Variants in GFRA2 observed in about 807,000 individuals in gnomAD.
GFRA2 encodes the protein GDNF family receptor alpha 2.
In GFRA2, 17 loss-of-function variants were observed where a neutral mutation model predicts 48.3. The observed-to-expected ratio is 0.35, with a 90% confidence interval of 0.24 to 0.53. GFRA2 has a LOEUF of 0.53. Among genes scored for constraint, GFRA2 ranks in the 20% least tolerant of loss-of-function variants. GFRA2 has a pLI of 0.93. For missense variants in GFRA2, 660 were observed against 637.3 expected, an observed-to-expected ratio of 1.04 and a Z score of -0.38; for synonymous variants, 305 against 257.2, an observed-to-expected ratio of 1.19 and a Z score of -1.78.
chr8:21,783,018 C>A (rs1807089716), intron 1 of GFRA2, 119 bp from the exon 2 acceptor site: 1 of 932,312 alleles, frequency 1.1e-6, no homozygotes, highest in Non-Finnish European at 1.7e-6. Flanking sequence ...CCAAAGCACA[C>A]CAAGGCGACT....
intron 1 of GFRA2, among the ~76,000 whole-genome samples, chr8:21,805,814 T>C (rs948589870): frequency 6.6e-6 from 1 of 152,164 alleles, no homozygotes; most frequent in African/African-American, 2.4e-5. Flanking sequence ...ATTAGGCGCC[T>C]AATGAATTAC....
rs2117297233 is a variant in GFRA2, at chr8:21,691,653, C to T, written c.*1625G>A. On this transcript the variant is annotated 3_prime_UTR_variant, in exon 9 of 9. Transcript: ENST00000524240. ...CCAGACAGCCTGACAATAAAACATTCCCAACGTGTGATGCCAAGCTGTGGC... is the reference window on the plus strand; with the variant it reads ...CCAGACAGCCTGACAATAAAACATTTCCAACGTGTGATGCCAAGCTGTGGC... The T allele has an allele frequency of 6.6e-6, 1 of 152,388 alleles. No homozygotes were observed. Among genetic ancestry groups the T allele is most frequent in the South Asian group, 2.1e-4 (1 of 4,822 alleles). 9.4% of individuals were successfully genotyped at this position (152,388 alleles called of 1,614,324 possible). A position where few individuals can be genotyped will look rare whatever the true frequency, so the allele number is the denominator to read the frequency against.
At chr8:21,747,799 C>T (rs892845593) in intron 4 of GFRA2, among the ~76,000 whole-genome samples, 2 of 150,248 alleles carry the variant, frequency 1.3e-5, no homozygotes, top group Non-Finnish European at 3.0e-5. Context: ...CACACACACA[C>T]ACGCATGCAC....
intron 3 of GFRA2, among the ~76,000 whole-genome samples, chr8:21,760,347 A>G (rs574763571): frequency 1.3e-5 from 2 of 152,286 alleles, no homozygotes; most frequent in East Asian, 3.9e-4. Flanking sequence ...GCAGAAAGCT[A>G]GTGGAGGCTG....
At position 21,691,131 on chromosome 8, in the gene GFRA2, A is replaced by C. The variant is rs1483764499; in HGVS notation, c.*2147T>G. On this transcript the variant is annotated 3_prime_UTR_variant, in exon 9 of 9. Coordinates refer to ENST00000524240, the MANE Select transcript of GFRA2 (RefSeq NM_001495.5). Reference sequence around the variant, plus strand: ...TTGGGAGATGGGAAAACTGCATCCTATTGTCCAGTTGAAATGGGATGGGCT... The same window carrying C: ...TTGGGAGATGGGAAAACTGCATCCTCTTGTCCAGTTGAAATGGGATGGGCT... 1 of 152,206 alleles carries C rather than the reference A, an allele frequency of 6.6e-6. No homozygotes were observed. The highest frequency in any genetic ancestry group is 1.5e-5 in the Non-Finnish European group (1 of 68,042). The allele number at this position is 152,206 out of a possible 1,614,324, so 9.4% of individuals were successfully genotyped here. A position where few individuals can be genotyped will look rare whatever the true frequency, so the allele number is the denominator to read the frequency against.
Position 21,730,082 on chromosome 8 carries a change from G to C in GFRA2, c.794+20506C>G, listed in dbSNP as rs559788288. On this transcript the variant is annotated intron_variant, in intron 4 of 8. Coordinates refer to ENST00000524240, the MANE Select transcript of GFRA2 (RefSeq NM_001495.5). ...CATAAAGGTGTTTCCTGGGTTCTCA[G>C]TGTTACGGCACGAGAAGGGACCTTA... 4.3e-4 allele frequency among the ~76,000 whole-genome samples: 65 copies of C among 152,250 alleles called. 1 individual carries two copies. Among genetic ancestry groups the C allele is most frequent in the African/African-American group, 1.5e-3 (63 of 41,552 alleles).
At chr8:21,786,135 C>A (rs1807257673) in intron 1 of GFRA2, among the ~76,000 whole-genome samples, 1 of 152,228 alleles carries the variant, frequency 6.6e-6, no homozygotes, top group South Asian at 2.1e-4. Flanking sequence ...CTCACCCCCG[C>A]CTCTCAACAC....
chr8:21,724,230 G>A (rs550495030), intron 4 of GFRA2, among the ~76,000 whole-genome samples: 1 of 151,984 alleles, frequency 6.6e-6, no homozygotes, highest in African/African-American at 2.4e-5. Context: ...GGTCTTGTGT[G>A]GGGGGCCTGG....
intron 1 of GFRA2, among the ~76,000 whole-genome samples, chr8:21,811,533 T>G (rs959495412): frequency 7.2e-5 from 11 of 152,100 alleles, no homozygotes; most frequent in Admixed American, 1.3e-4. Context: ...TCCCGGGTCC[T>G]CCATCCACCT....
chr8:21,756,881 G>A (rs1449788029), intron 3 of GFRA2, among the ~76,000 whole-genome samples: 1 of 152,194 alleles, frequency 6.6e-6, no homozygotes, highest in East Asian at 1.9e-4. Flanking sequence ...GCCCTGGAGA[G>A]CCTGAACTCA....
At chr8:21,736,814 C>CACAT (rs1804487017) in intron 4 of GFRA2, among the ~76,000 whole-genome samples, 1 of 151,034 alleles carries the variant, frequency 6.6e-6, no homozygotes, top group Non-Finnish European at 1.5e-5. Flanking sequence ...TTATAATGAG[C>CACAT]ACATAGGGCT....
chr8:21,754,108 C>T lies in GFRA2; in HGVS notation c.440-3166G>A, dbSNP rs112217023. On this transcript the variant is annotated intron_variant, in intron 3 of 8. Transcript: ENST00000524240. ...AACACCCCATGCACATTCCATGTAC[C>T]CCTACTCCGACCTATTTTTCCCACA... is the stretch of plus-strand genomic sequence containing the variant. Among the ~76,000 whole-genome samples, 784 of 152,288 alleles carry T rather than the reference C, an allele frequency of 5.1e-3. 6 individuals are homozygous for T. Among genetic ancestry groups the T allele is most frequent in the African/African-American group, 0.018 (757 of 41,552 alleles).
intron 8 of GFRA2, among the ~76,000 whole-genome samples, chr8:21,693,938 GC>G (rs1802012193): frequency 1.3e-5 from 2 of 150,164 alleles, no homozygotes; most frequent in Non-Finnish European, 3.0e-5. Context: ...GTCTCACACT[GC>G]CTTTTCTTCT....
chr8:21,780,619 T>C (rs1251469618), intron 2 of GFRA2, among the ~76,000 whole-genome samples: 1 of 152,096 alleles, frequency 6.6e-6, no homozygotes, highest in Non-Finnish European at 1.5e-5. Flanking sequence ...ATCTGCAGGG[T>C]GTGGTCAATG....
intron 4 of GFRA2, among the ~76,000 whole-genome samples, chr8:21,726,275 G>A (rs996450197): frequency 1.3e-5 from 2 of 152,160 alleles, no homozygotes; most frequent in Non-Finnish European, 2.9e-5. Flanking sequence ...CCAGCTCTCA[G>A]GGGGTATTAA....
intron 3 of GFRA2, among the ~76,000 whole-genome samples, chr8:21,760,512 A>C (rs1415520407): frequency 6.6e-6 from 1 of 152,240 alleles, no homozygotes; most frequent in Non-Finnish European, 1.5e-5. Context: ...GTAGATGGAG[A>C]TATCATTTCA....
At chr8:21,759,599 G>A (rs1805796886) in intron 3 of GFRA2, among the ~76,000 whole-genome samples, 1 of 151,360 alleles carries the variant, frequency 6.6e-6, no homozygotes, top group African/African-American at 2.4e-5. Context: ...ATTTAAAAAA[G>A]AATGACCAGC....
intron 4 of GFRA2, among the ~76,000 whole-genome samples, chr8:21,726,753 T>A (rs952266435): frequency 7.6e-5 from 11 of 143,802 alleles, no homozygotes; most frequent in Non-Finnish European, 1.2e-4. Flanking sequence ...ACACCCTATT[T>A]TTTTTTTTTT....
intron 3 of GFRA2, among the ~76,000 whole-genome samples, chr8:21,766,421 C>G (rs1285830879): frequency 5.3e-5 from 8 of 152,020 alleles, no homozygotes; most frequent in Non-Finnish European, 1.2e-4. Context: ...GATGTATCCT[C>G]AGCACCTCGA....
Sources: gnomAD v4.1 joint callset for allele counts (sites outside exome capture counted in the v4.1 genomes callset) on GRCh38, gnomAD v4.1.1 for gene constraint, MANE v1.5 for transcripts, NCBI Gene and HGNC (gene_info 2026-07-23, HGNC 2026-07-21) for gene names.